The following USP32 variants were observed in gnomAD, a reference collection of about 807,000 sequenced individuals.
USP32 encodes ubiquitin carboxyl-terminal hydrolase 32.
USP32 carries 59 observed loss-of-function variants against 204.8 expected under a neutral mutation model. That is an observed-to-expected ratio of 0.29 (90% confidence interval 0.23 to 0.36). The LOEUF (loss-of-function observed/expected upper bound fraction) is 0.36, where lower values mean the gene tolerates loss of function less well. USP32 is among the 10% of genes least tolerant of loss of function. USP32 has a pLI of 1.00. For synonymous variants in USP32, 517 were observed against 678.4 expected (o/e 0.76, Z 3.70); for missense variants, 1,160 against 1,946.4 (o/e 0.60, Z 7.60).
At chr17:60,354,193 TTTATA>T (rs765137656) in intron 1 of USP32, among the ~76,000 whole-genome samples, 9 of 152,368 alleles carry the variant, frequency 5.9e-5, no homozygotes, top group African/African-American at 1.4e-4. Context: ...TATATACTGC[TTTATA>T]TTATAACTTT....
At chr17:60,379,724 CAT>C (rs34168500) in intron 1 of USP32, among the ~76,000 whole-genome samples, 24 of 152,228 alleles carry the variant, frequency 1.6e-4, no homozygotes, top group Non-Finnish European at 2.2e-4. Flanking sequence ...ATATGAGCCA[CAT>C]GTTACTTAAC....
At chr17:60,225,869 G>T (rs1051867350) in intron 13 of USP32, among the ~76,000 whole-genome samples, 170 bp downstream of exon 13, 1 of 151,466 alleles carries the variant, frequency 6.6e-6, no homozygotes, top group Non-Finnish European at 1.5e-5. Flanking sequence ...CAGGACAATC[G>T]CTTGAACCCA....
intron 3 of USP32, among the ~76,000 whole-genome samples, chr17:60,297,189 G>A (rs1161389902): frequency 6.6e-6 from 1 of 152,122 alleles, no homozygotes; most frequent in Non-Finnish European, 1.5e-5. Flanking sequence ...TTTGAGGCCA[G>A]GAGTTCGAGA....
At chr17:60,339,085 T>C (rs1320049119) in intron 2 of USP32, among the ~76,000 whole-genome samples, 4 of 151,802 alleles carry the variant, frequency 2.6e-5, no homozygotes, top group Middle Eastern at 3.4e-3. Flanking sequence ...AATTTTTGCA[T>C]TTTTAGTACA....
intron 2 of USP32, among the ~76,000 whole-genome samples, chr17:60,332,564 C>T (rs1221780901): frequency 6.6e-6 from 1 of 152,024 alleles, no homozygotes; most frequent in African/African-American, 2.4e-5. Context: ...AGGAGAATCG[C>T]TTGAACCCAG....
intron 12 of USP32, among the ~76,000 whole-genome samples, chr17:60,228,893 C>G (rs1202584664): frequency 1.1e-4 from 16 of 151,596 alleles, no homozygotes; most frequent in Non-Finnish European, 1.5e-5. Flanking sequence ...GTCTCAAACT[C>G]TAGCCTCAGG....
At chr17:60,242,099 C>T (rs1278586205) in intron 11 of USP32, among the ~76,000 whole-genome samples, 1 of 152,128 alleles carries the variant, frequency 6.6e-6, no homozygotes, top group African/African-American at 2.4e-5. Context: ...TATCCAAATT[C>T]TCCTGCACCG....
chr17:60,401,365 G>A (rs369980525), intron 1 of USP32, among the ~76,000 whole-genome samples: 10 of 152,188 alleles, frequency 6.6e-5, no homozygotes, highest in East Asian at 1.9e-4. Context: ...GTGAGACTCC[G>A]TCTCAATTAA....
chr17:60,343,368 C>G (rs1328174513), intron 2 of USP32, among the ~76,000 whole-genome samples: 1 of 152,162 alleles, frequency 6.6e-6, no homozygotes, highest in African/African-American at 2.4e-5. Context: ...AGCACCACAT[C>G]GCATTTATTC....
intron 2 of USP32, among the ~76,000 whole-genome samples, chr17:60,340,084 C>T (rs972623339): frequency 9.2e-5 from 14 of 152,100 alleles, no homozygotes; most frequent in Non-Finnish European, 1.5e-4. Context: ...GGTCCAAGCT[C>T]TCCATAGGAT....
At chr17:60,312,489 AAC>A in intron 2 of USP32, among the ~76,000 whole-genome samples, 1 of 151,772 alleles carries the variant, frequency 6.6e-6, no homozygotes, top group East Asian at 1.9e-4. Context: ...GCAGTGGCAT[AAC>A]CACAGCTCAT....
At chr17:60,272,228 A>G (rs963517695) in intron 5 of USP32, among the ~76,000 whole-genome samples, 1 of 152,214 alleles carries the variant, frequency 6.6e-6, no homozygotes, top group African/African-American at 2.4e-5. Context: ...TCATCCTGTC[A>G]ATACAATTAA....
In USP32 at chr17:60,183,199, G is replaced by T; in HGVS notation, c.4089C>A (p.Ser1363=). 1 of 1,613,906 alleles carries T rather than the reference G, an allele frequency of 6.2e-7. No individual in the cohort carries two copies. The highest frequency in any genetic ancestry group is 2.2e-5 in the East Asian group (1 of 44,892). Reference sequence around the variant, plus strand: ...TGCTGATGATGTTAGCGCTGAGTGAGGATGGGCTTTTGCTCAGGAGCACGT... The same window carrying T: ...TGCTGATGATGTTAGCGCTGAGTGATGATGGGCTTTTGCTCAGGAGCACGT... The part of the protein sequence containing the change: ...EEDVLLSKSP[S]SLSANIISSP... Residue 1363 remains serine, a synonymous_variant, in exon 31 of 34, where the codon TCC becomes TCA. Coordinates refer to ENST00000300896, the MANE Select transcript of USP32 (RefSeq NM_032582.4).
At chr17:60,303,797 C>CTTTG (rs1369030595) in intron 2 of USP32, among the ~76,000 whole-genome samples, 6 of 152,014 alleles carry the variant, frequency 3.9e-5, no homozygotes. Flanking sequence ...TTGAAGAATG[C>CTTTG]TTTGGAATGG....
intron 1 of USP32, among the ~76,000 whole-genome samples, chr17:60,402,972 G>T (rs1387193919): frequency 6.6e-6 from 1 of 152,152 alleles, no homozygotes; most frequent in Non-Finnish European, 1.5e-5. Context: ...CTGAAAAGAG[G>T]AGGGGAGAGA....
chr17:60,353,648 G>A (rs1040520148), intron 1 of USP32, among the ~76,000 whole-genome samples: 2 of 152,172 alleles, frequency 1.3e-5, no homozygotes, highest in African/African-American at 4.8e-5. Context: ...GGCTGAGGCA[G>A]GAGAATCGTT....
chr17:60,389,096 G>C (rs2089783197), intron 1 of USP32, among the ~76,000 whole-genome samples: 1 of 152,136 alleles, frequency 6.6e-6, no homozygotes, highest in African/African-American at 2.4e-5. Context: ...TGCACACACT[G>C]GACTAATGTG....
chr17:60,399,955 G>C (rs1419393976), intron 1 of USP32, among the ~76,000 whole-genome samples: 2 of 152,082 alleles, frequency 1.3e-5, no homozygotes, highest in African/African-American at 2.4e-5. Context: ...TTTTGGAATG[G>C]AGAAGAGATC....
At chr17:60,198,536 T>TTAG in intron 26 of USP32, 92 bp from the exon 27 acceptor site, 1 of 1,440,624 alleles carries the variant, frequency 6.9e-7, no homozygotes, top group Non-Finnish European at 9.5e-7. Context: ...TGACAGGCAC[T>TTAG]ATCACCATTT....
Sources: gnomAD v4.1 joint callset for allele counts (sites outside exome capture counted in the v4.1 genomes callset) on GRCh38, gnomAD v4.1.1 for gene constraint, MANE v1.5 for transcripts, NCBI Gene and HGNC (gene_info 2026-07-23, HGNC 2026-07-21) for gene names.